SVEP1: variants seen among roughly 807,000 people sequenced by gnomAD.
SVEP1 encodes the protein sushi, von Willebrand factor type A, EGF and pentraxin domain containing 1.
In SVEP1, 164 loss-of-function variants were observed where a neutral mutation model predicts 367.3. The observed-to-expected ratio is 0.45, with a 90% CI of 0.39 to 0.51. The LOEUF (loss-of-function observed/expected upper bound fraction) is 0.51. Among genes scored for constraint, SVEP1 ranks in the 20% least tolerant of loss-of-function variants. The pLI is 0.00. For missense variants in SVEP1, 4,117 were observed against 4,425.3 expected (o/e 0.93, Z 1.98); for synonymous variants, 1,666 against 1,611.6 (o/e 1.03, Z -0.81).
chr9:110,529,260 GT>G (rs926007763), intron 3 of SVEP1, among the ~76,000 whole-genome samples: 8 of 120,690 alleles, frequency 6.6e-5, no homozygotes, highest in African/African-American at 2.1e-4. Flanking sequence ...GTACCATGCT[GT>G]TTTGGTTACT....
intron 36 of SVEP1, among the ~76,000 whole-genome samples, chr9:110,413,664 G>T (rs12344614): frequency 6.6e-6 from 1 of 151,552 alleles, no homozygotes; most frequent in East Asian, 1.9e-4. Context: ...ATATAATGAT[G>T]GATTGATGAC....
intron 18 of SVEP1, among the ~76,000 whole-genome samples, chr9:110,460,218 G>C (rs1192888600): frequency 2.0e-5 from 3 of 152,076 alleles, no homozygotes; most frequent in African/African-American, 7.2e-5. Flanking sequence ...TTTGGAATAT[G>C]CTTTAATTAA....
intron 36 of SVEP1, among the ~76,000 whole-genome samples, chr9:110,425,266 C>T (rs901744015): frequency 6.6e-6 from 1 of 152,084 alleles, no homozygotes; most frequent in African/African-American, 2.4e-5. Flanking sequence ...GATAGCTTCC[C>T]CATATATTAT....
intron 1 of SVEP1, among the ~76,000 whole-genome samples, chr9:110,559,444 T>C (rs1421903682): frequency 6.6e-6 from 1 of 152,044 alleles, no homozygotes. Flanking sequence ...AAAAAAGAAA[T>C]TGTATTTGCC....
intron 30 of SVEP1, 87 bp downstream of exon 30, chr9:110,434,249 T>C: frequency 5.1e-6 from 7 of 1,382,736 alleles, no homozygotes; most frequent in South Asian, 2.8e-5. Context: ...TGTGAAGTAT[T>C]CACTCTTTGT....
In SVEP1 at chr9:110,411,478, C is replaced by T; in HGVS notation, c.6233G>A (p.Cys2078Tyr). The T allele has an allele frequency of 6.2e-7, 1 of 1,614,044 alleles. No individual in the cohort carries two copies. Among genetic ancestry groups the T allele is most frequent in the South Asian group, 1.1e-5 (1 of 91,084 alleles). Reference protein sequence around the residue: ...VPPEGQDMPRCIAHFCEKPPS... With the variant: ...VPPEGQDMPRYIAHFCEKPPS... ...AGGTTTTTCACAGAAATGAGCTATA[C>T]AACGGGGCATGTCTTGACCTTCTGG... Residue 2078 changes from cysteine to tyrosine, a missense_variant, in exon 37 of 48, where the codon TGT (cysteine) becomes TAT (tyrosine). Around this residue, in one of 4 missense-constraint regions of SVEP1, gnomAD observed 2,174 missense variants for 2,494.3 expected, o/e 0.87. Transcript: ENST00000374469.
At position 110,504,444 on chromosome 9, in the gene SVEP1, A is replaced by G. The variant is rs574383347; in HGVS notation, c.1304-1227T>C. Reference sequence around the variant, plus strand: ...CTTCCTTCTCCTTTTCTTCCACAATACAGACATGAGGAATGGTAGCCCAGC... The same window carrying G: ...CTTCCTTCTCCTTTTCTTCCACAATGCAGACATGAGGAATGGTAGCCCAGC... On this transcript the variant is annotated intron_variant, in intron 5 of 47. Transcript: ENST00000374469. 5.2e-4 allele frequency among the ~76,000 whole-genome samples: 79 copies of G among 152,238 alleles called. 1 individual carries two copies. The South Asian group carries it at 0.016, about 30-fold the overall frequency.
intron 14 of SVEP1, chr9:110,475,790 T>C (rs1370265600): frequency 6.3e-6 from 1 of 159,480 alleles, no homozygotes; most frequent in African/African-American, 2.4e-5. Flanking sequence ...ATAAATGGAA[T>C]CTTAACATAT....
chr9:110,395,613 A>G (rs1827745933), intron 40 of SVEP1, among the ~76,000 whole-genome samples: 1 of 152,146 alleles, frequency 6.6e-6, no homozygotes. Context: ...AACCCATCTC[A>G]CGTGCAGAGA....
intron 3 of SVEP1, among the ~76,000 whole-genome samples, chr9:110,524,390 T>C (rs768713756): frequency 7.2e-5 from 11 of 152,024 alleles, no homozygotes; most frequent in Non-Finnish European, 1.0e-4. Flanking sequence ...CTTAGAAATA[T>C]AGACACAAAA....
chr9:110,370,996 G>A lies in SVEP1; in HGVS notation c.10601-980C>T, dbSNP rs186569268. Reference sequence around the variant, plus strand: ...CTTCAGTCATTCATTCATAAAATATGGAGAAAATGTCTGCTAAGCAAGTAG... The same window carrying A: ...CTTCAGTCATTCATTCATAAAATATAGAGAAAATGTCTGCTAAGCAAGTAG... On this transcript the variant is annotated intron_variant, in intron 46 of 47. Coordinates refer to ENST00000374469, the MANE Select transcript of SVEP1 (RefSeq NM_153366.4). Among the ~76,000 whole-genome samples the A allele has an allele frequency of 1.3e-3, 193 of 152,288 alleles. 2 individuals carry two copies. Among genetic ancestry groups the A allele is most frequent in the Non-Finnish European group, 2.4e-4 (16 of 68,020 alleles).
At chr9:110,490,711 C>G (rs1829354352) in intron 8 of SVEP1, among the ~76,000 whole-genome samples, 1 of 152,058 alleles carries the variant, frequency 6.6e-6, no homozygotes, top group Non-Finnish European at 1.5e-5. Context: ...GGTAACAATT[C>G]ATATTCCCAC....
intron 9 of SVEP1, among the ~76,000 whole-genome samples, chr9:110,489,414 G>T (rs1449763601): frequency 6.6e-6 from 1 of 152,158 alleles, no homozygotes; most frequent in Admixed American, 6.5e-5. Context: ...AGCAAAGAAG[G>T]AGCAAAGCCA....
chr9:110,486,357 C>T (rs945514960), intron 9 of SVEP1, among the ~76,000 whole-genome samples: 2 of 152,114 alleles, frequency 1.3e-5, no homozygotes, highest in Non-Finnish European at 2.9e-5. Context: ...GAATTGGAGG[C>T]GACAGCAGAT....
chr9:110,386,904 T>A lies in SVEP1; in HGVS notation c.10060+381A>T, dbSNP rs1827532637. Among the ~76,000 whole-genome samples the A allele has an allele frequency of 2.0e-5, 3 of 152,362 alleles. No individual in the cohort carries two copies. In the South Asian group the frequency reaches 6.2e-4, roughly 32 times the overall value. On this transcript the variant is annotated intron_variant, in intron 42 of 47. Coordinates refer to ENST00000374469, the MANE Select transcript of SVEP1 (RefSeq NM_153366.4). ...TATCTTAATTTATCATATTTATATA[T>A]ACTTCATTATATTAACATCACATAT...
At chr9:110,513,176 T>C in intron 4 of SVEP1, 71 bp from the exon 5 acceptor site, 2 of 1,393,086 alleles carry the variant, frequency 1.4e-6, no homozygotes, top group Non-Finnish European at 1.9e-6. Context: ...TTTTTTTTTT[T>C]CTTTCAAGGG....
At chr9:110,373,713 T>C (rs927756196) in intron 46 of SVEP1, among the ~76,000 whole-genome samples, 8 of 152,174 alleles carry the variant, frequency 5.3e-5, no homozygotes, top group Admixed American at 2.0e-4. Context: ...TAAAAATATC[T>C]ACTATATTTC....
At position 110,379,354 on chromosome 9, in the gene SVEP1, A is replaced by C; in HGVS notation, c.10401T>G (p.Ile3467Met). 1 of 1,613,554 alleles carries C rather than the reference A, an allele frequency of 6.2e-7. No individual in the cohort carries two copies. Among genetic ancestry groups the C allele is most frequent in the Non-Finnish European group, 8.5e-7 (1 of 1,179,660 alleles). ...LENGTWTSPP[I>M]CRAVCRFPCQ... Reference sequence around the variant, plus strand: ...ATTCAAATATTTCCTTACCTCTGCAAATAGGAGGTGATGTCCATGTTCCAT... The same window carrying C: ...ATTCAAATATTTCCTTACCTCTGCACATAGGAGGTGATGTCCATGTTCCAT... Residue 3467 changes from isoleucine to methionine, a missense_variant, in exon 44 of 48, where the codon ATT (isoleucine) becomes ATG (methionine). Ile to Met is a conservative substitution (Grantham distance 10). Coordinates refer to ENST00000374469, the MANE Select transcript of SVEP1 (RefSeq NM_153366.4).
At chr9:110,505,695 C>G (rs150561940) in intron 5 of SVEP1, among the ~76,000 whole-genome samples, 1 of 152,020 alleles carries the variant, frequency 6.6e-6, no homozygotes, top group African/African-American at 2.4e-5. Context: ...TCTCCTTTCT[C>G]TTTTTTCTCT....
Sources: allele counts gnomAD v4.1 joint callset (sites outside exome capture counted in the v4.1 genomes callset), GRCh38; gene constraint gnomAD v4.1.1; regional missense constraint gnomAD v4.1.1; transcripts MANE v1.5; gene names NCBI Gene and HGNC (gene_info 2026-07-23, HGNC 2026-07-21).